Variants in GPLD1 observed in about 807,000 individuals in gnomAD.
The protein encoded by GPLD1 is phosphatidylinositol-glycan-specific phospholipase D.
GPLD1 carries 84 observed loss-of-function variants against 112.6 expected under a neutral mutation model. The observed-to-expected ratio is 0.75, with a 90% CI of 0.63 to 0.89. GPLD1 has a LOEUF of 0.89. Among genes scored for constraint, GPLD1 ranks in the 40% least tolerant of loss-of-function variants. The pLI, the probability that GPLD1 is intolerant of heterozygous loss-of-function variation, is 0.00. For missense variants in GPLD1, 1,044 were observed against 1,051.5 expected, an observed-to-expected ratio of 0.99 and a Z score of 0.10; for synonymous variants, 386 against 403.8, an observed-to-expected ratio of 0.96 and a Z score of 0.53.
At position 24,436,682 on chromosome 6, in the gene GPLD1, A is replaced by G. The variant is rs143314495; in HGVS notation, c.2252T>C (p.Ile751Thr). The part of the protein sequence containing the change: ...LRIADVTSGL[I>T]GGEDGRVYVY... ...ATATACTCGGCCGTCTTCTCCCCCA[A>G]TCAGTCCAGAGGTTACATCTGCTAT... The change falls in exon 22 of 25, where the codon ATT becomes ACT. Residue 751 changes from isoleucine to threonine, a missense_variant. Physicochemically the swap from Ile to Thr is moderately conservative, Grantham distance 89. Transcript: ENST00000230036. The G allele has an allele frequency of 1.0e-3, 1,663 of 1,613,922 alleles. 1 individual carries two copies. Among genetic ancestry groups the G allele is most frequent in the Non-Finnish European group, 1.3e-3 (1,530 of 1,179,914 alleles).
intron 14 of GPLD1, 127 bp downstream of exon 14, chr6:24,453,888 A>G: frequency 1.5e-6 from 1 of 666,010 alleles, no homozygotes; most frequent in Non-Finnish European, 2.6e-6. Context: ...TGCTTCACAA[A>G]TGTACACCAC....
chr6:24,476,843 G>A (rs1223329972), intron 3 of GPLD1, among the ~76,000 whole-genome samples: 1 of 152,084 alleles, frequency 6.6e-6, no homozygotes, highest in Non-Finnish European at 1.5e-5. Context: ...TCCCACAAGA[G>A]GGGTAGGAAA....
At chr6:24,458,683 A>G (rs899002789) in intron 12 of GPLD1, among the ~76,000 whole-genome samples, 5 of 152,182 alleles carry the variant, frequency 3.3e-5, no homozygotes, top group Admixed American at 3.3e-4. Context: ...GTTCAAGACC[A>G]GCCTGGCCAA....
chr6:24,479,891 G>A lies in GPLD1; in HGVS notation c.222C>T (p.Ile74=), dbSNP rs370173344. 1.2e-5 allele frequency: 19 copies of A among 1,599,228 alleles called. No individual in the cohort carries two copies. Among genetic ancestry groups the A allele is most frequent in the Non-Finnish European group, 1.5e-5 (18 of 1,166,616 alleles). ...AAACTTTCATCTTACCTCCTTTGCA[G>A]ATGCTAGGGTAAAAACAATCAGGAA... The part of the protein sequence containing the change: ...IVFPDCFYPS[I]CKGGKFHDVS... Residue 74 remains isoleucine, a synonymous_variant, in exon 3 of 25, where the codon ATC becomes ATT. Coordinates refer to ENST00000230036, the MANE Select transcript of GPLD1 (RefSeq NM_001503.4).
Position 24,427,083 on chromosome 6 carries a change from T to C in GPLD1, c.*1949A>G, listed in dbSNP as rs967373578. ...CTTCTCATTTGTTATTTTCTCCTGC[T>C]TTTAGTATCATCTCACCCGTGGCAG... On this transcript the variant is annotated 3_prime_UTR_variant, in exon 25 of 25. Transcript: ENST00000230036. Among the ~76,000 whole-genome samples, 10 of 152,230 alleles carry C rather than the reference T, an allele frequency of 6.6e-5. No individual in the cohort carries two copies. Among genetic ancestry groups the C allele is most frequent in the African/African-American group, 2.4e-4 (10 of 41,466 alleles).
intron 14 of GPLD1, among the ~76,000 whole-genome samples, chr6:24,451,998 T>C (rs1399696032): frequency 6.6e-6 from 1 of 152,204 alleles, no homozygotes; most frequent in Non-Finnish European, 1.5e-5. Context: ...GGCCTTGAGT[T>C]TCCTATCATA....
chr6:24,445,024 ATTTTAT>A (rs1274501074), intron 20 of GPLD1, among the ~76,000 whole-genome samples: 4 of 150,428 alleles, frequency 2.7e-5, no homozygotes, highest in African/African-American at 7.5e-5. Context: ...ATCTTATTTT[ATTTTAT>A]TTTTATTTTA....
At chr6:24,471,723 T>C (rs1470876666) in intron 7 of GPLD1, among the ~76,000 whole-genome samples, 1 of 152,188 alleles carries the variant, frequency 6.6e-6, no homozygotes, top group East Asian at 1.9e-4. Flanking sequence ...AAAGGTTTTC[T>C]TTCTTTTTAT....
At chr6:24,445,696 A>G in intron 19 of GPLD1, 30 bp downstream of exon 19, 2 of 1,600,866 alleles carry the variant, frequency 1.2e-6, no homozygotes, top group Non-Finnish European at 1.7e-6. Context: ...TGGAGTGTCC[A>G]CTCTCCTGTG....
In GPLD1 at chr6:24,462,850, T is replaced by C; in HGVS notation, c.822-55A>G. 2.3e-6 allele frequency: 3 copies of C among 1,286,694 alleles called. No homozygotes were observed. The Admixed American group carries it at 5.0e-5, about 22-fold the overall frequency. The allele number at this position is 1,286,694 out of a possible 1,614,324, so 79.7% of individuals were successfully genotyped here. A position where few individuals can be genotyped will look rare whatever the true frequency, so the allele number is the denominator to read the frequency against. On this transcript the variant is annotated intron_variant, in intron 10 of 24. Transcript: ENST00000230036. ...TTATCTACTTCTTCACAAGCATGAA[T>C]TTTACCGAGAATCGGTAGTGCGCTT...
chr6:24,441,394 G>A (rs938508560), intron 20 of GPLD1, among the ~76,000 whole-genome samples: 4 of 151,922 alleles, frequency 2.6e-5, no homozygotes, highest in African/African-American at 4.8e-5. Context: ...ACACTGAAGC[G>A]CTTCAGTGAA....
intron 21 of GPLD1, 25 bp from the exon 22 acceptor site, chr6:24,436,761 AG>A: frequency 1.9e-6 from 3 of 1,610,824 alleles, no homozygotes; most frequent in Non-Finnish European, 2.5e-6. Flanking sequence ...AACCGACAGA[AG>A]GAAGTATTTG....
At position 24,433,604 on chromosome 6, in the gene GPLD1, C is replaced by T. The variant is rs186951086; in HGVS notation, c.2359-215G>A. ...GCCTCCCAGGTTCAAGCAAGTCTCC[C>T]GCTTCAGCCTCGTGAGTTGATGGAA... On this transcript the variant is annotated intron_variant, in intron 22 of 24. Coordinates refer to ENST00000230036, the MANE Select transcript of GPLD1 (RefSeq NM_001503.4). 3.5e-3 allele frequency: 1,614 copies of T among 460,718 alleles called. 49 individuals carry two copies. The Admixed American group carries it at 0.051, about 14-fold the overall frequency. 28.5% of individuals were successfully genotyped at this position (460,718 alleles called of 1,614,324 possible).
At chr6:24,491,512 A>G (rs1240606122), upstream of GPLD1, among the ~76,000 whole-genome samples, 2 of 152,198 alleles carry the variant, frequency 1.3e-5, no homozygotes, top group Non-Finnish European at 2.9e-5. Context: ...CAGCCTGTGC[A>G]ACATGGCAAA....
At chr6:24,490,216 G>T (rs889092454), upstream of GPLD1, among the ~76,000 whole-genome samples, 7 of 152,160 alleles carry the variant, frequency 4.6e-5, no homozygotes, top group Admixed American at 3.9e-4. Context: ...TTGGGAGGTG[G>T]AAGGAAGGGG....
At chr6:24,474,707 C>T (rs1237564429) in intron 5 of GPLD1, among the ~76,000 whole-genome samples, 1 of 152,046 alleles carries the variant, frequency 6.6e-6, no homozygotes, top group Non-Finnish European at 1.5e-5. Context: ...TTTGGGAGAC[C>T]AAGGCAGGCA....
chr6:24,433,402 A>G lies in GPLD1; in HGVS notation c.2359-13T>C, dbSNP rs1263295635. 5 of 1,593,058 alleles carry G rather than the reference A, an allele frequency of 3.1e-6. No individual in the cohort carries two copies. In the South Asian group the frequency reaches 4.4e-5, roughly 14 times the overall value. On this transcript the variant is annotated splice_polypyrimidine_tract_variant and intron_variant, in intron 22 of 24. Coordinates refer to ENST00000230036, the MANE Select transcript of GPLD1 (RefSeq NM_001503.4). Reference sequence around the variant, plus strand: ...ATACATATTGGGCCTGAAGAAAAAAATTGAGGAGAGAGACAATGTTATTAC... The same window carrying G: ...ATACATATTGGGCCTGAAGAAAAAAGTTGAGGAGAGAGACAATGTTATTAC...
chr6:24,428,063 A>G lies in GPLD1; in HGVS notation c.*969T>C, dbSNP rs1762293527. Reference sequence around the variant, plus strand: ...TCACATGTACCACTGAACCTAAAATAAAAGTTAAAAAGGACTAAGTCACAA... The same window carrying G: ...TCACATGTACCACTGAACCTAAAATGAAAGTTAAAAAGGACTAAGTCACAA... On this transcript the variant is annotated 3_prime_UTR_variant, in exon 25 of 25. Coordinates refer to ENST00000230036, the MANE Select transcript of GPLD1 (RefSeq NM_001503.4). The G allele has an allele frequency of 6.6e-6, 1 of 152,060 alleles. No homozygotes were observed. Among genetic ancestry groups the G allele is most frequent in the South Asian group, 2.1e-4 (1 of 4,818 alleles). The allele number at this position is 152,060 out of a possible 1,614,324, so 9.4% of individuals were successfully genotyped here. A position where few individuals can be genotyped will look rare whatever the true frequency, so the allele number is the denominator to read the frequency against.
At chr6:24,460,026 G>A (rs1337501618) in intron 12 of GPLD1, among the ~76,000 whole-genome samples, 1 of 152,162 alleles carries the variant, frequency 6.6e-6, no homozygotes, top group Non-Finnish European at 1.5e-5. Flanking sequence ...AGCCTCCCAA[G>A]TAGCTGTGAC....
Sources: gnomAD v4.1 joint callset for allele counts (sites outside exome capture counted in the v4.1 genomes callset) on GRCh38, gnomAD v4.1.1 for gene constraint, MANE v1.5 for transcripts, NCBI Gene and HGNC (gene_info 2026-07-23, HGNC 2026-07-21) for gene names.